CAMKMT: variants seen among roughly 807,000 people sequenced by gnomAD.
The protein encoded by CAMKMT is calmodulin-lysine N-methyltransferase.
In CAMKMT, 53 loss-of-function variants were observed where a neutral mutation model predicts 48.0. That is an observed-to-expected ratio of 1.10 (90% confidence interval 0.89 to 1.39). The LOEUF is 1.39. Among genes scored for constraint, CAMKMT ranks in the 40% most tolerant of loss-of-function variants. The probability of loss-of-function intolerance (pLI) is 0.00; values close to 1 mark genes in which losing one functional copy is unlikely to be tolerated. For missense variants in CAMKMT, 428 were observed against 402.7 expected, an observed-to-expected ratio of 1.06 and a Z score of -0.54; for synonymous variants, 165 against 152.3, an observed-to-expected ratio of 1.08 and a Z score of -0.61.
intron 3 of CAMKMT, among the ~76,000 whole-genome samples, chr2:44,580,278 T>TAAAATAAAATAAAATAAAATA (rs980616344): frequency 6.6e-6 from 1 of 151,748 alleles, no homozygotes; most frequent in Non-Finnish European, 1.5e-5. Flanking sequence ...TAAAATAAAA[T>TAAAATAAAATAAAATAAAATA]AAAGTGTGCT....
intron 3 of CAMKMT, among the ~76,000 whole-genome samples, chr2:44,673,316 A>G (rs1187024926): frequency 6.6e-6 from 1 of 151,618 alleles, no homozygotes; most frequent in African/African-American, 2.4e-5. Flanking sequence ...GGGTCCAGCT[A>G]CTTGGGAGGC....
chr2:44,518,236 T>A (rs1161889269), intron 3 of CAMKMT, among the ~76,000 whole-genome samples: 2 of 152,216 alleles, frequency 1.3e-5, no homozygotes, highest in African/African-American at 4.8e-5. Flanking sequence ...TCTCTGGTTA[T>A]TCTAGTCATC....
At chr2:44,572,022 T>G (rs1327018985) in intron 3 of CAMKMT, among the ~76,000 whole-genome samples, 1 of 152,310 alleles carries the variant, frequency 6.6e-6, no homozygotes, top group East Asian at 1.9e-4. Context: ...TTTACGTATC[T>G]TAAGTATACA....
At chr2:44,425,327 C>A (rs1684210325) in intron 3 of CAMKMT, among the ~76,000 whole-genome samples, 1 of 151,986 alleles carries the variant, frequency 6.6e-6, no homozygotes, top group Non-Finnish European at 1.5e-5. Flanking sequence ...GTCTACTAAC[C>A]ATTATTATAA....
intron 3 of CAMKMT, among the ~76,000 whole-genome samples, chr2:44,483,384 TG>T (rs1376491295): frequency 2.6e-5 from 4 of 152,196 alleles, no homozygotes; most frequent in African/African-American, 9.6e-5. Context: ...GTACCTGTTC[TG>T]AAGTTCATTT....
intron 7 of CAMKMT, among the ~76,000 whole-genome samples, chr2:44,742,173 C>T (rs1679714035): frequency 6.6e-6 from 1 of 152,158 alleles, no homozygotes. Flanking sequence ...CTCAGCATTT[C>T]CAGAAAAGTT....
intron 3 of CAMKMT, among the ~76,000 whole-genome samples, chr2:44,505,004 G>T (rs189807641): frequency 1.3e-5 from 2 of 152,242 alleles, no homozygotes; most frequent in East Asian, 3.9e-4. Flanking sequence ...GTGGTGAGGG[G>T]TGGGAGGAGA....
intron 3 of CAMKMT, among the ~76,000 whole-genome samples, chr2:44,656,472 C>T (rs1318712761): frequency 6.6e-6 from 1 of 151,950 alleles, no homozygotes; most frequent in African/African-American, 2.4e-5. Flanking sequence ...TACAGCTTTT[C>T]TCAAAAAGAA....
intron 3 of CAMKMT, among the ~76,000 whole-genome samples, chr2:44,495,119 G>T (rs1242506634): frequency 1.3e-5 from 2 of 152,090 alleles, no homozygotes; most frequent in African/African-American, 2.4e-5. Context: ...AGAAATAAAT[G>T]CCTCTGCAAT....
At position 44,448,673 on chromosome 2, in the gene CAMKMT, C is replaced by A. The variant is rs550662233; in HGVS notation, c.376+58368C>A. On this transcript the variant is annotated intron_variant, in intron 3 of 10. Transcript: ENST00000378494. ...GTAAGTAATGTGACATGTAATTCAC[C>A]TCTGTAAACATATTTTTCACTAATG... Among the ~76,000 whole-genome samples, 5 of 152,204 alleles carry A rather than the reference C, an allele frequency of 3.3e-5. No individual in the cohort carries two copies. The South Asian group carries it at 1.0e-3, about 32-fold the overall frequency.
intron 7 of CAMKMT, among the ~76,000 whole-genome samples, chr2:44,738,149 T>A (rs1679465306): frequency 6.6e-6 from 1 of 152,148 alleles, no homozygotes; most frequent in Admixed American, 6.5e-5. Flanking sequence ...CCACCATGCC[T>A]GGCCCCATCT....
At chr2:44,525,309 G>T (rs1671347440) in intron 3 of CAMKMT, among the ~76,000 whole-genome samples, 1 of 152,016 alleles carries the variant, frequency 6.6e-6, no homozygotes, top group Non-Finnish European at 1.5e-5. Flanking sequence ...AGGCTGGAGT[G>T]CAGTGGTGTG....
intron 3 of CAMKMT, among the ~76,000 whole-genome samples, chr2:44,507,601 T>G (rs926861372): frequency 6.6e-5 from 10 of 152,180 alleles, no homozygotes; most frequent in Non-Finnish European, 1.5e-4. Flanking sequence ...GTTGTGATAA[T>G]AGTAAAAGTA....
chr2:44,532,263 A>G (rs1229247647), intron 3 of CAMKMT, among the ~76,000 whole-genome samples: 1 of 152,242 alleles, frequency 6.6e-6, no homozygotes, highest in Non-Finnish European at 1.5e-5. Context: ...ACAAATGTCT[A>G]GGAGATCACA....
intron 3 of CAMKMT, chr2:44,456,958 G>A: frequency 5.4e-6 from 1 of 183,606 alleles, no homozygotes; most frequent in Non-Finnish European, 1.1e-5. Flanking sequence ...TCATAAGCCA[G>A]TTATTGCATT....
chr2:44,690,806 T>C (rs1676607418), intron 3 of CAMKMT, among the ~76,000 whole-genome samples: 2 of 151,512 alleles, frequency 1.3e-5, no homozygotes, highest in South Asian at 4.2e-4. Context: ...CGAAACCCCG[T>C]CTCTACTAAA....
intron 3 of CAMKMT, among the ~76,000 whole-genome samples, chr2:44,473,555 A>G (rs1668531426): frequency 6.6e-6 from 1 of 152,222 alleles, no homozygotes; most frequent in Non-Finnish European, 1.5e-5. Flanking sequence ...AACGAAGACA[A>G]ATTCTGTTTA....
chr2:44,464,697 A>T (rs1186581374), intron 3 of CAMKMT, among the ~76,000 whole-genome samples: 1 of 152,216 alleles, frequency 6.6e-6, no homozygotes, highest in African/African-American at 2.4e-5. Context: ...TGAAAGAAAA[A>T]AAACTGCCAA....
intron 3 of CAMKMT, among the ~76,000 whole-genome samples, chr2:44,452,452 T>C (rs564038372): frequency 1.3e-5 from 2 of 152,180 alleles, no homozygotes; most frequent in East Asian, 1.9e-4. Flanking sequence ...TGATACATTA[T>C]TGAATCATAG....
Sources: gnomAD v4.1 joint callset for allele counts (sites outside exome capture counted in the v4.1 genomes callset) on GRCh38, gnomAD v4.1.1 for gene constraint, MANE v1.5 for transcripts, NCBI Gene and HGNC (gene_info 2026-07-23, HGNC 2026-07-21) for gene names.